NRG3: variants seen among roughly 807,000 people sequenced by gnomAD.
The protein encoded by NRG3 is neuregulin 3, also known as pro-neuregulin-3, membrane-bound isoform.
Under a neutral mutation model 66.9 loss-of-function variants are expected in NRG3, and 31 were observed. The observed-to-expected ratio is 0.46, with a 90% confidence interval of 0.35 to 0.63. The LOEUF (loss-of-function observed/expected upper bound fraction) is 0.63, where lower values mean the gene tolerates loss of function less well. NRG3 is among the 20% of genes least tolerant of loss of function. NRG3 has a pLI of 0.00. For synonymous variants in NRG3, 393 were observed against 359.4 expected, an observed-to-expected ratio of 1.09 and a Z score of -1.06; for missense variants, 910 against 878.9, an observed-to-expected ratio of 1.04 and a Z score of -0.45.
chr10:82,091,456 G>A (rs559366783), intron 1 of NRG3, among the ~76,000 whole-genome samples: 1 of 152,222 alleles, frequency 6.6e-6, no homozygotes, highest in East Asian at 1.9e-4. Flanking sequence ...ACTAAGCATG[G>A]TTTCAAGGTC....
At chr10:82,858,419 C>CT (rs1373712269) in intron 3 of NRG3, among the ~76,000 whole-genome samples, 22 of 152,260 alleles carry the variant, frequency 1.4e-4, no homozygotes, top group Middle Eastern at 6.8e-3. Flanking sequence ...TGTCCATACT[C>CT]TTATCTCGGA....
intron 1 of NRG3, among the ~76,000 whole-genome samples, chr10:82,135,121 C>CCA (rs778974912): frequency 6.9e-4 from 58 of 84,188 alleles, no homozygotes; most frequent in South Asian, 9.4e-4. Context: ...GACTCCCTCT[C>CCA]AAAAAAAAAA....
intron 5 of NRG3, among the ~76,000 whole-genome samples, chr10:82,958,250 C>G (rs1850269249): frequency 6.6e-6 from 1 of 152,168 alleles, no homozygotes. Context: ...TATGTGACGT[C>G]AAACAAATGG....
At chr10:82,781,894 A>T (rs2060131383) in intron 3 of NRG3, among the ~76,000 whole-genome samples, 1 of 152,194 alleles carries the variant, frequency 6.6e-6, no homozygotes, top group Non-Finnish European at 1.5e-5. Context: ...GACCAAAAAA[A>T]AAATCCTGCA....
intron 1 of NRG3, among the ~76,000 whole-genome samples, chr10:82,290,967 TAC>T (rs2079707875): frequency 6.6e-6 from 1 of 151,990 alleles, no homozygotes; most frequent in African/African-American, 2.4e-5. Context: ...TTAAAGATTA[TAC>T]ACACACACAA....
chr10:82,968,833 T>C (rs530492863), intron 6 of NRG3, among the ~76,000 whole-genome samples: 1 of 152,292 alleles, frequency 6.6e-6, no homozygotes, highest in South Asian at 2.1e-4. Flanking sequence ...CTGGATGATT[T>C]ATGAAGAAAA....
In NRG3 at chr10:82,643,904, C is replaced by A. The variant is rs11195403; in HGVS notation, c.954-94673C>A. On this transcript the variant is annotated intron_variant, in intron 2 of 8. Transcript: ENST00000372141. ...CACACGCGCACACACACACACACACCCACACACACACACACACACGAGAAT... is the reference window on the plus strand; with the variant it reads ...CACACGCGCACACACACACACACACACACACACACACACACACACGAGAAT... Among the ~76,000 whole-genome samples, 1,203 of 150,020 alleles carry A rather than the reference C, an allele frequency of 8.0e-3. 25 individuals are homozygous for A. Among genetic ancestry groups the A allele is most frequent in the African/African-American group, 0.024 (978 of 40,860 alleles).
chr10:81,918,356 A>T (rs1037541309), intron 1 of NRG3, among the ~76,000 whole-genome samples: 2 of 152,200 alleles, frequency 1.3e-5, no homozygotes, highest in African/African-American at 4.8e-5. Flanking sequence ...TTCACATATG[A>T]TATTGGCCAT....
intron 1 of NRG3, among the ~76,000 whole-genome samples, chr10:82,330,733 G>A (rs73308521): frequency 0.017 from 2,564 of 152,254 alleles, 78 homozygotes; most frequent in African/African-American, 0.058. Context: ...GGCTTCCTAA[G>A]TTGGTCAACA....
intron 3 of NRG3, among the ~76,000 whole-genome samples, chr10:82,863,515 G>A (rs191825628): frequency 6.6e-6 from 1 of 152,194 alleles, no homozygotes; most frequent in Admixed American, 6.5e-5. Context: ...GTCCTCTCCA[G>A]CATCTGTCGT....
At chr10:82,681,307 A>G (rs1344643510) in intron 2 of NRG3, among the ~76,000 whole-genome samples, 1 of 152,240 alleles carries the variant, frequency 6.6e-6, no homozygotes, top group Non-Finnish European at 1.5e-5. Flanking sequence ...CTCATTTGTA[A>G]ACTGGAGATA....
chr10:82,765,273 C>A (rs987218076), intron 3 of NRG3, among the ~76,000 whole-genome samples: 1 of 152,044 alleles, frequency 6.6e-6, no homozygotes, highest in Non-Finnish European at 1.5e-5. Flanking sequence ...AATTATTTTT[C>A]TTACAATTCA....
chr10:81,936,421 A>G (rs1490088387), intron 1 of NRG3, among the ~76,000 whole-genome samples: 5 of 152,084 alleles, frequency 3.3e-5, no homozygotes, highest in African/African-American at 1.2e-4. Flanking sequence ...GAGTCTCTGT[A>G]GGTTACTAAG....
chr10:81,917,732 C>G (rs1157882588), intron 1 of NRG3, among the ~76,000 whole-genome samples: 1 of 152,184 alleles, frequency 6.6e-6, no homozygotes, highest in African/African-American at 2.4e-5. Context: ...TTGTCTTTCA[C>G]TTCACAAAGC....
chr10:82,729,429 T>G (rs146735421), intron 2 of NRG3, among the ~76,000 whole-genome samples: 1,553 of 152,022 alleles, frequency 0.01, 12 homozygotes, highest in Admixed American at 0.02. Context: ...TTTACATTCT[T>G]ATACTAAAAA....
In NRG3 at chr10:82,986,263, C is replaced by T. The variant is rs1221817180; in HGVS notation, c.*658C>T. The T allele has an allele frequency of 6.6e-6, 1 of 152,014 alleles. No individual in the cohort carries two copies. The highest frequency in any genetic ancestry group is 2.4e-5 in the African/African-American group (1 of 41,382). The allele number at this position is 152,014 out of a possible 1,614,324, so 9.4% of individuals were successfully genotyped here. A position where few individuals can be genotyped will look rare whatever the true frequency, so the allele number is the denominator to read the frequency against. ...TATGAAATTATTACAGAAAAAGAGA[C>T]AAAAAAATCCTTATATCGTGTCACT... On this transcript the variant is annotated 3_prime_UTR_variant, in exon 9 of 9. Transcript: ENST00000372141.
intron 2 of NRG3, among the ~76,000 whole-genome samples, chr10:82,583,102 G>T (rs1438445975): frequency 6.6e-6 from 1 of 152,132 alleles, no homozygotes; most frequent in African/African-American, 2.4e-5. Flanking sequence ...ATGGGAATTT[G>T]TGTTTTAAAA....
intron 3 of NRG3, among the ~76,000 whole-genome samples, chr10:82,764,854 G>A (rs1442504567): frequency 6.6e-6 from 1 of 152,050 alleles, no homozygotes. Context: ...GAGACAGAGA[G>A]AGCAACAGAA....
intron 2 of NRG3, among the ~76,000 whole-genome samples, chr10:82,490,115 G>A (rs957178542): frequency 5.3e-5 from 8 of 152,072 alleles, no homozygotes; most frequent in Middle Eastern, 3.2e-3. Context: ...TTAATATATC[G>A]TTAATCCTTA....
Sources: allele counts gnomAD v4.1 joint callset (sites outside exome capture counted in the v4.1 genomes callset), GRCh38; gene constraint gnomAD v4.1.1; transcripts MANE v1.5; gene names NCBI Gene and HGNC (gene_info 2026-07-23, HGNC 2026-07-21).